The following ST18 variants were observed in gnomAD, a reference collection of about 807,000 sequenced individuals.
ST18 encodes the protein suppression of tumorigenicity 18 protein.
Under a neutral mutation model 110.0 loss-of-function variants are expected in ST18, and 50 were observed. The ratio of observed to expected loss-of-function variants is 0.45; its 90% CI spans 0.36 to 0.58. The LOEUF is 0.58. Among genes scored for constraint, ST18 ranks in the 20% least tolerant of loss-of-function variants. The probability of loss-of-function intolerance (pLI) is 0.00; values close to 1 mark genes in which losing one functional copy is unlikely to be tolerated. For missense variants in ST18, 1,306 were observed against 1,280.1 expected, an observed-to-expected ratio of 1.02 and a Z score of -0.31; for synonymous variants, 461 against 452.4, an observed-to-expected ratio of 1.02 and a Z score of -0.24.
intron 8 of ST18, among the ~76,000 whole-genome samples, chr8:52,206,202 C>A (rs1342618122): frequency 6.6e-6 from 1 of 152,098 alleles, no homozygotes; most frequent in Non-Finnish European, 1.5e-5. Context: ...GTCCTGACAA[C>A]CTTATGGGCT....
chr8:52,230,625 A>G (rs991229731), intron 2 of ST18, among the ~76,000 whole-genome samples: 2 of 152,048 alleles, frequency 1.3e-5, no homozygotes, highest in African/African-American at 4.8e-5. Context: ...CCATTTACAT[A>G]CGGGGTGGGG....
intron 10 of ST18, among the ~76,000 whole-genome samples, chr8:52,169,764 T>C (rs893796576): frequency 5.9e-5 from 9 of 152,182 alleles, no homozygotes; most frequent in Non-Finnish European, 1.3e-4. Context: ...CCTGTGGCTC[T>C]TCTTCAATGT....
chr8:52,144,787 C>T (rs1252060821), intron 16 of ST18, among the ~76,000 whole-genome samples: 2 of 152,108 alleles, frequency 1.3e-5, no homozygotes, highest in Non-Finnish European at 2.9e-5. Context: ...TTTAATGCTG[C>T]CTCCATGGGA....
At chr8:52,251,437 G>A (rs2094302751) in intron 2 of ST18, among the ~76,000 whole-genome samples, 3 of 152,004 alleles carry the variant, frequency 2.0e-5, no homozygotes, top group Admixed American at 2.0e-4. Context: ...TACACAAAAT[G>A]AGAAGTGCAT....
At chr8:52,232,788 G>T (rs2091784189) in intron 2 of ST18, among the ~76,000 whole-genome samples, 1 of 151,920 alleles carries the variant, frequency 6.6e-6, no homozygotes, top group Non-Finnish European at 1.5e-5. Context: ...TAAAACATCT[G>T]CTGAATATCT....
At chr8:52,172,703 A>G in intron 9 of ST18, 120 bp from the exon 10 acceptor site, 1 of 654,308 alleles carries the variant, frequency 1.5e-6, no homozygotes, top group Non-Finnish European at 2.5e-6. Context: ...ACACATACAT[A>G]TATGTACACA....
chr8:52,118,547 T>A, intron 23 of ST18, 106 bp from the exon 24 acceptor site: 1 of 624,220 alleles, frequency 1.6e-6, no homozygotes, highest in Non-Finnish European at 2.6e-6. Context: ...TTTCATTTAG[T>A]GTTTTTACCA....
At position 52,133,121 on chromosome 8, in the gene ST18, G is replaced by A. The variant is rs771688840; in HGVS notation, c.2380C>T (p.Arg794Cys). Residue 794 changes from arginine to cysteine, a missense_variant, in exon 21 of 26, where the codon CGT (arginine) becomes TGT (cysteine). By Grantham distance (180) the Arg-to-Cys change is radical (BLOSUM62 -3). Coordinates refer to ENST00000689386, the MANE Select transcript of ST18 (RefSeq NM_001352837.2). ...ATTTTGACACCACCTTTCCTTGCAC[G>A]AGGGCATCCGGACAAGCTGAAATAG... is the stretch of plus-strand genomic sequence containing the variant. ...ASHRSLSGCP[R>C]ARKGGVKMTP... The A allele has an allele frequency of 4.5e-5, 72 of 1,613,974 alleles. No individual in the cohort carries two copies. The highest frequency in any genetic ancestry group is 5.8e-5 in the Non-Finnish European group (69 of 1,180,032).
chr8:52,265,665 G>A (rs2094844265), intron 2 of ST18, among the ~76,000 whole-genome samples: 1 of 152,208 alleles, frequency 6.6e-6, no homozygotes, highest in Non-Finnish European at 1.5e-5. Context: ...CTTCATGGAG[G>A]GTAGTTCATT....
At chr8:52,371,738 G>A (rs1449984590) in intron 2 of ST18, among the ~76,000 whole-genome samples, 1 of 152,108 alleles carries the variant, frequency 6.6e-6, no homozygotes, top group Admixed American at 6.6e-5. Flanking sequence ...GATCCCATAA[G>A]ACTATAATGG....
At chr8:52,124,972 C>G (rs2046438024) in intron 23 of ST18, among the ~76,000 whole-genome samples, 1 of 152,188 alleles carries the variant, frequency 6.6e-6, no homozygotes, top group Non-Finnish European at 1.5e-5. Flanking sequence ...GTCCCCAGCT[C>G]AATTCTAGTC....
intron 2 of ST18, among the ~76,000 whole-genome samples, chr8:52,386,533 A>T (rs532915624): frequency 1.3e-5 from 2 of 152,108 alleles, no homozygotes; most frequent in East Asian, 1.9e-4. Context: ...GGTTCTTTAT[A>T]AAAAAAGCTA....
chr8:52,352,570 T>C (rs1026625842), intron 2 of ST18, among the ~76,000 whole-genome samples: 1 of 152,188 alleles, frequency 6.6e-6, no homozygotes, highest in African/African-American at 2.4e-5. Context: ...CAGCTAAGTC[T>C]AGGGCTGTTT....
chr8:52,247,348 C>T (rs912038366), intron 2 of ST18, among the ~76,000 whole-genome samples: 1 of 152,082 alleles, frequency 6.6e-6, no homozygotes, highest in African/African-American at 2.4e-5. Context: ...TTTGCATAAA[C>T]CAAAAGTAAT....
At chr8:52,278,443 A>G (rs903807091) in intron 2 of ST18, among the ~76,000 whole-genome samples, 2 of 152,250 alleles carry the variant, frequency 1.3e-5, no homozygotes, top group African/African-American at 4.8e-5. Context: ...GGGGACATCT[A>G]CCAACCTCTG....
chr8:52,181,994 A>T (rs1337145914), intron 8 of ST18, among the ~76,000 whole-genome samples: 1 of 152,156 alleles, frequency 6.6e-6, no homozygotes, highest in Non-Finnish European at 1.5e-5. Flanking sequence ...GTGTAGGATG[A>T]AAAGGATAGT....
At chr8:52,169,410 G>A (rs958552036) in intron 10 of ST18, among the ~76,000 whole-genome samples, 12 of 152,106 alleles carry the variant, frequency 7.9e-5, no homozygotes, top group African/African-American at 2.7e-4. Context: ...TCAATGACAG[G>A]GCGACTGTAC....
In ST18 at chr8:52,338,316, C is replaced by T. The variant is rs544337562; in HGVS notation, c.-465+71012G>A. Reference sequence around the variant, plus strand: ...CAGATGATCCGCCCACCTCGGCCTCCCAAAGTACTGGGATTACAGGCATGA... The same window carrying T: ...CAGATGATCCGCCCACCTCGGCCTCTCAAAGTACTGGGATTACAGGCATGA... On this transcript the variant is annotated intron_variant, in intron 2 of 25. Transcript: ENST00000689386. Among the ~76,000 whole-genome samples the T allele has an allele frequency of 7.2e-5, 11 of 152,194 alleles. No individual in the cohort carries two copies. The South Asian group carries it at 1.7e-3, about 23-fold the overall frequency.
chr8:52,375,839 C>T (rs1481287566), intron 2 of ST18, among the ~76,000 whole-genome samples: 9 of 152,090 alleles, frequency 5.9e-5, no homozygotes, highest in East Asian at 3.9e-4. Context: ...CCAGCTCCCC[C>T]GCAGCTCTTC....
Sources: gnomAD v4.1 joint callset for allele counts (sites outside exome capture counted in the v4.1 genomes callset) on GRCh38, gnomAD v4.1.1 for gene constraint, MANE v1.5 for transcripts, NCBI Gene and HGNC (gene_info 2026-07-23, HGNC 2026-07-21) for gene names.